Variants in RBM7 observed in about 807,000 individuals in gnomAD.
RBM7 encodes RNA-binding protein 7.
RBM7 carries 13 observed loss-of-function variants against 31.0 expected under a neutral mutation model. The observed-to-expected ratio is 0.42, with a 90% CI of 0.27 to 0.67. The LOEUF (loss-of-function observed/expected upper bound fraction) is 0.67, where lower values mean the gene tolerates loss of function less well. Ranked by LOEUF, RBM7 falls within the 30% of genes least tolerant of loss-of-function variation. The pLI, the probability that RBM7 is intolerant of heterozygous loss-of-function variation, is 0.24. For missense variants in RBM7, 245 were observed against 326.2 expected (o/e 0.75, Z 1.92); for synonymous variants, 106 against 111.2 (o/e 0.95, Z 0.30).
intron 1 of RBM7, among the ~76,000 whole-genome samples, 190 bp from the exon 2 acceptor site, chr11:114,401,508 C>T (rs1465906213): frequency 6.6e-6 from 1 of 152,152 alleles, no homozygotes; most frequent in Non-Finnish European, 1.5e-5. Flanking sequence ...CCCCCTTCCC[C>T]AAATAAATCT....
chr11:114,400,883 G>C (rs1347437007), intron 1 of RBM7, 116 bp downstream of exon 1: 3 of 1,196,482 alleles, frequency 2.5e-6, no homozygotes, highest in East Asian at 5.1e-5. Context: ...TGGCTGTTTG[G>C]GGGTGAAAGG....
In RBM7 at chr11:114,405,796, A is replaced by T; in HGVS notation, c.438A>T (p.Ala146=). The change falls in exon 4 of 5, where the codon GCA becomes GCT. Residue 146 remains alanine, a synonymous_variant. Transcript: ENST00000375490. The part of the protein sequence containing the change: ...FSSPENFQRQ[A]VMNSALRQMS... ...CTCCAGAAAATTTTCAGAGACAAGC[A>T]GTGGTAGGTTGACTATTTTTCAACT... The T allele has an allele frequency of 6.4e-7, 1 of 1,574,506 alleles. No individual in the cohort carries two copies. The highest frequency in any genetic ancestry group is 8.7e-7 in the Non-Finnish European group (1 of 1,155,066).
chr11:114,405,712 C>T lies in RBM7; in HGVS notation c.354C>T (p.Tyr118=), dbSNP rs373135280. Residue 118 remains tyrosine, a synonymous_variant, in exon 4 of 5, where the codon TAC becomes TAT. Coordinates refer to ENST00000375490, the MANE Select transcript of RBM7 (RefSeq NM_001286045.2). ...SPTSTSPSSR[Y]ERTMDNMTSS... Reference sequence around the variant, plus strand: ...ATGTTGGTTTTCTTTTTAGCAGGTACGAAAGGACTATGGATAACATGACTT... The same window carrying T: ...ATGTTGGTTTTCTTTTTAGCAGGTATGAAAGGACTATGGATAACATGACTT... 39 of 1,577,370 alleles carry T rather than the reference C, an allele frequency of 2.5e-5. No homozygotes were observed. The African/African-American group carries it at 4.1e-4, about 17-fold the overall frequency.
chr11:114,403,003 A>G, intron 3 of RBM7, 88 bp downstream of exon 3: 1 of 1,115,054 alleles, frequency 9.0e-7, no homozygotes, highest in Non-Finnish European at 1.4e-6. Context: ...AGTCTCCTTC[A>G]TTATTCTCTT....
intron 3 of RBM7, among the ~76,000 whole-genome samples, chr11:114,404,528 T>C (rs530289376): frequency 6.6e-6 from 1 of 152,272 alleles, no homozygotes; most frequent in East Asian, 1.9e-4. Flanking sequence ...TAAAAAGTTT[T>C]CCCTCTTAGA....
At chr11:114,403,824 T>C (rs1480890689) in intron 3 of RBM7, among the ~76,000 whole-genome samples, 3 of 152,256 alleles carry the variant, frequency 2.0e-5, no homozygotes, top group African/African-American at 4.8e-5. Flanking sequence ...CCAGCCACTA[T>C]GATGTATTAT....
intron 3 of RBM7, among the ~76,000 whole-genome samples, chr11:114,404,360 G>A (rs898651879): frequency 1.3e-5 from 2 of 152,222 alleles, no homozygotes; most frequent in Non-Finnish European, 2.9e-5. Flanking sequence ...AAGTGGAATA[G>A]TGAGCCAGCA....
chr11:114,400,815 A>T, intron 1 of RBM7, 48 bp downstream of exon 1: 1 of 1,608,020 alleles, frequency 6.2e-7, no homozygotes, highest in South Asian at 1.1e-5. Context: ...CGTCTCGCCT[A>T]GGGCCTGGCC....
At chr11:114,400,886 G>C in intron 1 of RBM7, 119 bp downstream of exon 1, 1 of 1,161,664 alleles carries the variant, frequency 8.6e-7, no homozygotes, top group East Asian at 2.5e-5. Flanking sequence ...CTGTTTGGGG[G>C]TGAAAGGCGG....
Position 114,400,877 on chromosome 11 carries a change from T to C in RBM7, c.96+110T>C, listed in dbSNP as rs905524314. The C allele has an allele frequency of 5.7e-6, 7 of 1,233,938 alleles. No homozygotes were observed. In the African/African-American group the frequency reaches 1.1e-4, roughly 19 times the overall value. 76.4% of individuals were successfully genotyped at this position (1,233,938 alleles called of 1,614,324 possible). A position where few individuals can be genotyped will look rare whatever the true frequency, so the allele number is the denominator to read the frequency against. ...GCCGTCAGGGGACCCGACGGGTGGC[T>C]GTTTGGGGGTGAAAGGCGGGTCTGG... On this transcript the variant is annotated intron_variant, in intron 1 of 4. Transcript: ENST00000375490.
At chr11:114,402,382 C>CTTTTTCTTTT (rs1946215146) in intron 2 of RBM7, among the ~76,000 whole-genome samples, 1 of 50,126 alleles carries the variant, frequency 2.0e-5, no homozygotes, top group African/African-American at 6.9e-5. Flanking sequence ...GCTTGAGATT[C>CTTTTTCTTTT]TTTTTTTTTT....
At chr11:114,403,632 ATG>A (rs1946232091) in intron 3 of RBM7, among the ~76,000 whole-genome samples, 1 of 152,208 alleles carries the variant, frequency 6.6e-6, no homozygotes, top group Non-Finnish European at 1.5e-5. Flanking sequence ...TACCTGCCAT[ATG>A]TCAGGTTCTT....
At chr11:114,401,645 A>G in intron 1 of RBM7, 53 bp from the exon 2 acceptor site, 1 of 1,325,918 alleles carries the variant, frequency 7.5e-7, no homozygotes, top group Non-Finnish European at 1.0e-6. Context: ...GTAAAATTTG[A>G]GTATTTTCCC....
chr11:114,406,711 G>A (rs1946269653), intron 4 of RBM7: 2 of 152,198 alleles, frequency 1.3e-5, no homozygotes, highest in African/African-American at 4.8e-5. Flanking sequence ...AAACCCTGTA[G>A]CCTTACCTTT....
rs1186485141 is a variant in RBM7, at chr11:114,408,923, T to C, written c.*1116T>C. 3 of 151,714 alleles carry C rather than the reference T, an allele frequency of 2.0e-5. No homozygotes were observed. Among genetic ancestry groups the C allele is most frequent in the African/African-American group, 7.3e-5 (3 of 41,248 alleles). 9.4% of individuals were successfully genotyped at this position (151,714 alleles called of 1,614,324 possible). On this transcript the variant is annotated 3_prime_UTR_variant, in exon 5 of 5. Transcript: ENST00000375490. ...GAAAATATAAAAGGAAGGGTGTGTG[T>C]TATTTTTTTTTTTTTATGTCACTGA...
intron 1 of RBM7, 44 bp from the exon 2 acceptor site, chr11:114,401,654 C>T: frequency 6.4e-5 from 88 of 1,377,048 alleles, no homozygotes; most frequent in South Asian, 2.6e-4. Flanking sequence ...GAGTATTTTC[C>T]CTTAGTTGCT....
At chr11:114,407,344 C>A in intron 4 of RBM7, 101 bp from the exon 5 acceptor site, 1 of 1,278,428 alleles carries the variant, frequency 7.8e-7, no homozygotes, top group Non-Finnish European at 1.1e-6. Flanking sequence ...TCCATCTAGG[C>A]AAGAGTGACT....
chr11:114,404,720 G>A (rs1946243618), intron 3 of RBM7, among the ~76,000 whole-genome samples: 1 of 151,776 alleles, frequency 6.6e-6, no homozygotes, highest in African/African-American at 2.4e-5. Flanking sequence ...AAATACTTTG[G>A]TTTTAATCAA....
intron 4 of RBM7, chr11:114,407,244 T>C (rs1946276642): frequency 1.2e-5 from 6 of 481,002 alleles, no homozygotes; most frequent in South Asian, 8.0e-5. Flanking sequence ...GTTGCATTCT[T>C]GAGGACAAAG....
Sources: gnomAD v4.1 joint callset for allele counts (sites outside exome capture counted in the v4.1 genomes callset) on GRCh38, gnomAD v4.1.1 for gene constraint, MANE v1.5 for transcripts, NCBI Gene and HGNC (gene_info 2026-07-23, HGNC 2026-07-21) for gene names.